The following ASB11 variants were observed in gnomAD, a reference collection of about 807,000 sequenced individuals.
ASB11 encodes the protein ankyrin repeat and SOCS box containing 11.
In ASB11, 17 loss-of-function variants were observed where a neutral mutation model predicts 20.1. The ratio of observed to expected loss-of-function variants is 0.85; its 90% confidence interval spans 0.58 to 1.27. ASB11 has a LOEUF of 1.27. Among genes scored for constraint, ASB11 ranks in the 50% most tolerant of loss-of-function variants. The pLI is 0.00. For synonymous variants in ASB11, 107 were observed against 105.6 expected, an observed-to-expected ratio of 1.01 and a Z score of -0.08; for missense variants, 259 against 256.9, an observed-to-expected ratio of 1.01 and a Z score of -0.06.
At chrX:15,284,488 TG>T (rs1927318063) in intron 6 of ASB11, among the ~76,000 whole-genome samples, 1 of 110,961 alleles carries the variant, frequency 9.0e-6, no homozygotes, top group Non-Finnish European at 1.9e-5. Flanking sequence ...CGGCTCTAGC[TG>T]CCCATGAGGT....
chrX:15,300,200 G>A (rs1345720577), intron 2 of ASB11, among the ~76,000 whole-genome samples: 1 of 112,472 alleles, frequency 8.9e-6, no homozygotes, highest in African/African-American at 3.2e-5. Context: ...CCCTGAAATT[G>A]TAGAAATGTG....
intron 1 of ASB11, among the ~76,000 whole-genome samples, chrX:15,305,491 G>C (rs1005328777): frequency 2.9e-4 from 32 of 111,218 alleles, no homozygotes; most frequent in African/African-American, 1.0e-3. Context: ...GGCTAAACAT[G>C]AATGGAGTCT....
rs1927232864 is a variant in ASB11 at position 15,283,043 on chromosome X, T to C, written c.*462A>G. 1 of 108,341 alleles carries C rather than the reference T, an allele frequency of 9.2e-6. No individual in the cohort carries two copies. The highest frequency in any genetic ancestry group is 1.9e-5 in the Non-Finnish European group (1 of 53,071). 8.9% of individuals were successfully genotyped at this position (108,341 alleles called of 1,213,427 possible). A position where few individuals can be genotyped will look rare whatever the true frequency, so the allele number is the denominator to read the frequency against. On this transcript the variant is annotated 3_prime_UTR_variant, in exon 7 of 7. Transcript: ENST00000480796. ...ATATATATACAAAAAATCAAAATTA[T>C]ACCAGATTTATTCAAGGAAAGAAAG...
intron 3 of ASB11, among the ~76,000 whole-genome samples, chrX:15,295,684 C>T (rs780809010): frequency 2.7e-5 from 3 of 112,337 alleles, no homozygotes; most frequent in African/African-American, 9.7e-5. Flanking sequence ...TCTCTTATTT[C>T]GTTTCTCATT....
intron 5 of ASB11, 86 bp downstream of exon 5, chrX:15,289,418 C>A: frequency 7.1e-6 from 7 of 982,176 alleles, no homozygotes; most frequent in Non-Finnish European, 1.4e-6. Context: ...GAATATTTTT[C>A]AACCATGACA....
At chrX:15,284,269 AAG>A (rs1555938382) in intron 6 of ASB11, among the ~76,000 whole-genome samples, 2 of 107,521 alleles carry the variant, frequency 1.9e-5, no homozygotes, top group African/African-American at 3.5e-5. Flanking sequence ...AAAAAAAAAA[AAG>A]AAAGAAAGAA....
chrX:15,284,145 G>A (rs1042544722), intron 6 of ASB11, among the ~76,000 whole-genome samples: 6 of 106,426 alleles, frequency 5.6e-5, no homozygotes, highest in Admixed American at 2.0e-4. Context: ...CCAGCTACTC[G>A]GGAGGCTGAG....
chrX:15,289,946 C>A, intron 4 of ASB11: 1 of 217,147 alleles, frequency 4.6e-6, no homozygotes, highest in Non-Finnish European at 8.5e-6. Flanking sequence ...ATCACTTGAA[C>A]CGGGGAGGAG....
intron 2 of ASB11, among the ~76,000 whole-genome samples, chrX:15,302,443 C>G (rs1262295382): frequency 1.8e-5 from 2 of 111,945 alleles, no homozygotes; most frequent in African/African-American, 6.5e-5. Context: ...GTTAGTGCAA[C>G]AAACATTTGA....
intron 1 of ASB11, among the ~76,000 whole-genome samples, chrX:15,303,150 A>G (rs1232219628): frequency 9.0e-6 from 1 of 110,954 alleles, no homozygotes; most frequent in Non-Finnish European, 1.9e-5. Context: ...AAGAAAGTCA[A>G]TGAGCCTCCA....
At chrX:15,310,370 C>T (rs1276770984) in intron 1 of ASB11, among the ~76,000 whole-genome samples, 2 of 112,041 alleles carry the variant, frequency 1.8e-5, no homozygotes, top group African/African-American at 3.2e-5. Flanking sequence ...GCAGATCGCC[C>T]GTGTCACAGG....
At chrX:15,302,422 G>A (rs1921098208) in intron 2 of ASB11, among the ~76,000 whole-genome samples, 1 of 112,346 alleles carries the variant, frequency 8.9e-6, no homozygotes, top group African/African-American at 3.2e-5. Flanking sequence ...TGCTGGAAGA[G>A]CATGAGGTGA....
chrX:15,305,175 A>G (rs1298500686), intron 1 of ASB11, among the ~76,000 whole-genome samples: 1 of 112,068 alleles, frequency 8.9e-6, no homozygotes, highest in African/African-American at 3.2e-5. Flanking sequence ...CAAAGTTAAC[A>G]TCAGCAAAGT....
chrX:15,284,217 A>C (rs1308196440), intron 6 of ASB11, among the ~76,000 whole-genome samples: 5 of 100,344 alleles, frequency 5.0e-5, no homozygotes, highest in Admixed American at 1.1e-4. Flanking sequence ...GGGCCACTGC[A>C]CTCCAGCCTG....
rs1927196363 is a variant in ASB11, at chrX:15,282,048, G to C, written c.*1457C>G. 9.0e-6 allele frequency: 1 copy of C among 111,127 alleles called. No individual in the cohort carries two copies. Among genetic ancestry groups the C allele is most frequent in the Non-Finnish European group, 1.9e-5 (1 of 53,029 alleles). The allele number at this position is 111,127 out of a possible 1,213,427, so 9.2% of individuals were successfully genotyped here. A position where few individuals can be genotyped will look rare whatever the true frequency, so the allele number is the denominator to read the frequency against. The stretch of plus-strand genomic sequence containing the variant: ...CCTGTGCACTGTAGGGTGATTAGCT[G>C]CATCCCTGATCTCCACCGTCTAGAT... On this transcript the variant is annotated 3_prime_UTR_variant, in exon 7 of 7. Transcript: ENST00000480796.
In ASB11 at chrX:15,303,052, G is replaced by A. The variant is rs767529842; in HGVS notation, c.182-245C>T. Among the ~76,000 whole-genome samples the A allele has an allele frequency of 9.9e-5, 11 of 111,645 alleles. No individual in the cohort carries two copies. The East Asian group carries it at 3.1e-3, about 31-fold the overall frequency. On this transcript the variant is annotated intron_variant, in intron 1 of 6. Transcript: ENST00000480796. ...AGTCAATCTCTCTGGCTTTTGGGAG[G>A]CAATTTTAATAAGCAATAGATTTAG...
chrX:15,309,663 C>T (rs1458282456), intron 1 of ASB11, among the ~76,000 whole-genome samples: 1 of 109,900 alleles, frequency 9.1e-6, no homozygotes, highest in African/African-American at 3.3e-5. Flanking sequence ...ACCAATTGTA[C>T]CACCCTAAAA....
intron 1 of ASB11, among the ~76,000 whole-genome samples, chrX:15,309,505 A>G (rs1485484955): frequency 2.7e-5 from 3 of 110,620 alleles, no homozygotes; most frequent in African/African-American, 9.9e-5. Flanking sequence ...TAATAATAAT[A>G]CAAATAAAGT....
intron 3 of ASB11, among the ~76,000 whole-genome samples, chrX:15,295,321 G>A (rs756651281): frequency 1.6e-4 from 18 of 112,067 alleles, no homozygotes; most frequent in Non-Finnish European, 2.8e-4. Flanking sequence ...GATTACAGGC[G>A]TGAGCCACTG....
Sources: allele counts gnomAD v4.1 joint callset (sites outside exome capture counted in the v4.1 genomes callset), GRCh38; gene constraint gnomAD v4.1.1; transcripts MANE v1.5; gene names NCBI Gene and HGNC (gene_info 2026-07-23, HGNC 2026-07-21).